The following NAA35 variants were observed in gnomAD, a reference collection of about 807,000 sequenced individuals.
NAA35 encodes N-alpha-acetyltransferase 35, NatC auxiliary subunit, also known as MAK10 homolog, amino-acid N-acetyltransferase subunit.
A neutral mutation model predicts 101.7 loss-of-function variants in NAA35; 18 were observed. The observed-to-expected ratio is 0.18, with a 90% confidence interval of 0.12 to 0.26. The LOEUF is 0.26. Among genes scored for constraint, NAA35 ranks in the 10% least tolerant of loss-of-function variants. NAA35 has a pLI of 1.00. For missense variants in NAA35, 601 were observed against 886.8 expected (o/e 0.68, Z 4.09); for synonymous variants, 267 against 273.1 (o/e 0.98, Z 0.22).
intron 6 of NAA35, chr9:85,966,501 T>C: frequency 1.9e-6 from 1 of 516,086 alleles, no homozygotes; most frequent in South Asian, 2.7e-5. Context: ...CTTTAAAATT[T>C]AGCTTCACTA....
chr9:85,975,164 A>T lies in NAA35; in HGVS notation c.627+7A>T, dbSNP rs1420440449. 6.2e-7 allele frequency: 1 copy of T among 1,612,268 alleles called. No homozygotes were observed. The highest frequency in any genetic ancestry group is 1.7e-5 in the Admixed American group (1 of 59,830). ...CATGCAAAGAAGAGTAAAGGTATATATGTTTTCTGTTTGGTGTGGGGTTTT... is the reference window on the plus strand; with the variant it reads ...CATGCAAAGAAGAGTAAAGGTATATTTGTTTTCTGTTTGGTGTGGGGTTTT... On this transcript the variant is annotated splice_region_variant and intron_variant, in intron 8 of 22. Coordinates refer to ENST00000361671, the MANE Select transcript of NAA35 (RefSeq NM_024635.4).
intron 15 of NAA35, 58 bp from the exon 16 acceptor site, chr9:86,012,988 T>A: frequency 8.3e-7 from 1 of 1,202,550 alleles, no homozygotes; most frequent in Non-Finnish European, 1.1e-6. Context: ...GAATGTTAAG[T>A]TTCTTTGGTA....
chr9:86,003,763 TA>T (rs1296852851), intron 13 of NAA35, 119 bp downstream of exon 13: 10 of 547,446 alleles, frequency 1.8e-5, no homozygotes, highest in African/African-American at 9.8e-5. Context: ...TAGTGTTGTG[TA>T]TTTTTTTTTT....
chr9:85,977,312 C>T (rs772938205), intron 9 of NAA35, 51 bp from the exon 10 acceptor site: 17 of 1,252,250 alleles, frequency 1.4e-5, no homozygotes, highest in Non-Finnish European at 1.9e-5. Context: ...AATGAAATTC[C>T]TTTCACGGGC....
chr9:86,008,969 A>G (rs1406517313), intron 14 of NAA35, among the ~76,000 whole-genome samples: 1 of 151,824 alleles, frequency 6.6e-6, no homozygotes, highest in African/African-American at 2.4e-5. Flanking sequence ...ATCTGTTTTG[A>G]TTTTTCCTTT....
At position 86,007,213 on chromosome 9, in the gene NAA35, G is replaced by C. The variant is rs1831683894; in HGVS notation, c.1117-145G>C. 4 of 482,456 alleles carry C rather than the reference G, an allele frequency of 8.3e-6. No homozygotes were observed. The East Asian group carries it at 9.8e-5, about 12-fold the overall frequency. 29.9% of individuals were successfully genotyped at this position (482,456 alleles called of 1,614,324 possible). On this transcript the variant is annotated intron_variant, in intron 13 of 22. Coordinates refer to ENST00000361671, the MANE Select transcript of NAA35 (RefSeq NM_024635.4). ...AGGATTAATAAGTAACACTCATTGT[G>C]GAGACAGCAACTTATAAAAAATTTT... is the stretch of plus-strand genomic sequence containing the variant.
rs1365168071 is a variant in NAA35 at position 86,017,561 on chromosome 9, TTAAAG to T, written c.1773_1773+4del. 2 of 1,612,754 alleles carry T rather than the reference TTAAAG, an allele frequency of 1.2e-6. No individual in the cohort carries two copies. The highest frequency in any genetic ancestry group is 1.7e-6 in the Non-Finnish European group (2 of 1,179,184). On this transcript the variant is annotated splice_donor_variant and coding_sequence_variant, in exon 19 of 23. Coordinates refer to ENST00000361671, the MANE Select transcript of NAA35 (RefSeq NM_024635.4). LOFTEE classifies it high-confidence loss of function. ...TATCAGAACATGTGTGCTGGAATGT[TTAAAG>T]TAAGTTGTTGAAAGTGAAGTTCTTT... is the stretch of plus-strand genomic sequence containing the variant.
chr9:85,971,836 ATT>A (rs372692955), intron 6 of NAA35, among the ~76,000 whole-genome samples: 14 of 143,602 alleles, frequency 9.7e-5, no homozygotes, highest in Admixed American at 1.4e-4. Context: ...ATATATCCTG[ATT>A]TTTTTTTTTT....
At chr9:86,008,674 TAATG>T (rs1831756783) in intron 14 of NAA35, among the ~76,000 whole-genome samples, 1 of 152,214 alleles carries the variant, frequency 6.6e-6, no homozygotes, top group African/African-American at 2.4e-5. Flanking sequence ...ATACCACAAA[TAATG>T]ATAATTGTAT....
At chr9:86,007,712 C>T (rs1003669036) in intron 14 of NAA35, among the ~76,000 whole-genome samples, 2 of 152,068 alleles carry the variant, frequency 1.3e-5, no homozygotes, top group Non-Finnish European at 2.9e-5. Flanking sequence ...TAAACTTTGC[C>T]GTAGTAGAGG....
At chr9:85,946,684 A>ATTTT (rs111378968) in intron 2 of NAA35, among the ~76,000 whole-genome samples, 3 of 146,114 alleles carry the variant, frequency 2.1e-5, no homozygotes, top group South Asian at 2.2e-4. Context: ...TTTTTTTGCG[A>ATTTT]TTTTTTTTTT....
chr9:85,997,951 G>T (rs1164048579), intron 12 of NAA35, among the ~76,000 whole-genome samples: 1 of 151,982 alleles, frequency 6.6e-6, no homozygotes, highest in African/African-American at 2.4e-5. Flanking sequence ...GTCTCACTCT[G>T]TCGCCCAGGC....
chr9:85,994,407 T>G (rs1369182182), intron 11 of NAA35, among the ~76,000 whole-genome samples: 2 of 152,194 alleles, frequency 1.3e-5, no homozygotes, highest in Non-Finnish European at 2.9e-5. Flanking sequence ...GCAATACTTG[T>G]CCTTTTGTGT....
chr9:85,953,467 G>A (rs548733891), intron 2 of NAA35, among the ~76,000 whole-genome samples: 3 of 152,148 alleles, frequency 2.0e-5, no homozygotes, highest in South Asian at 2.1e-4. Flanking sequence ...CACCCTGTTG[G>A]CCAGGATGGA....
intron 2 of NAA35, among the ~76,000 whole-genome samples, chr9:85,952,154 T>G (rs1829045589): frequency 6.6e-6 from 1 of 152,162 alleles, no homozygotes; most frequent in Non-Finnish European, 1.5e-5. Flanking sequence ...CAGTTTTTCT[T>G]GAAGTGACAG....
intron 11 of NAA35, among the ~76,000 whole-genome samples, chr9:85,981,795 A>G (rs1313491042): frequency 1.3e-5 from 2 of 152,228 alleles, no homozygotes; most frequent in Non-Finnish European, 2.9e-5. Context: ...ACGATTCTAT[A>G]ATTAAAAAGT....
rs1170161220 is a variant in NAA35, at chr9:86,024,866, T to C, written c.*2906T>C. Reference sequence around the variant, plus strand: ...AGATGAACTGAGGACTCAGTAACTATAGTCACTGTAATTTTCTGGGGGTTG... The same window carrying C: ...AGATGAACTGAGGACTCAGTAACTACAGTCACTGTAATTTTCTGGGGGTTG... On this transcript the variant is annotated 3_prime_UTR_variant, in exon 23 of 23. Transcript: ENST00000361671. 1.3e-5 allele frequency among the ~76,000 whole-genome samples: 2 copies of C among 152,110 alleles called. No individual in the cohort carries two copies. The highest frequency in any genetic ancestry group is 2.9e-5 in the Non-Finnish European group (2 of 68,022).
At chr9:86,004,819 T>G (rs1192457396) in intron 13 of NAA35, among the ~76,000 whole-genome samples, 2 of 152,196 alleles carry the variant, frequency 1.3e-5, no homozygotes, top group Non-Finnish European at 2.9e-5. Context: ...ACCTATTCCT[T>G]TAAATGTAGA....
intron 12 of NAA35, among the ~76,000 whole-genome samples, chr9:85,998,098 T>C (rs935911009): frequency 6.6e-6 from 1 of 152,106 alleles, no homozygotes; most frequent in Non-Finnish European, 1.5e-5. Context: ...GTATTTTTAG[T>C]AGAAACGGGG....
Sources: gnomAD v4.1 joint callset for allele counts (sites outside exome capture counted in the v4.1 genomes callset) on GRCh38, gnomAD v4.1.1 for gene constraint, MANE v1.5 for transcripts, NCBI Gene and HGNC (gene_info 2026-07-23, HGNC 2026-07-21) for gene names.